The following UST variants were observed in gnomAD, a reference collection of about 807,000 sequenced individuals.
The protein encoded by UST is uronyl 2-sulfotransferase, also known as chondroitin sulfate 2-O-sulfotransferase.
UST carries 21 observed loss-of-function variants against 45.6 expected under a neutral mutation model. The ratio of observed to expected loss-of-function variants is 0.46; its 90% CI spans 0.33 to 0.66. The LOEUF (loss-of-function observed/expected upper bound fraction) is 0.66, where lower values mean the gene tolerates loss of function less well. Ranked by LOEUF, UST falls within the 30% of genes least tolerant of loss-of-function variation. The probability of loss-of-function intolerance (pLI) is 0.02; values close to 1 mark genes in which losing one functional copy is unlikely to be tolerated. For missense variants in UST, 463 were observed against 512.4 expected (o/e 0.90, Z 0.93); for synonymous variants, 215 against 200.6 (o/e 1.07, Z -0.61).
chr6:148,983,097 C>T (rs1266366367), intron 5 of UST, among the ~76,000 whole-genome samples: 1 of 152,204 alleles, frequency 6.6e-6, no homozygotes, highest in Non-Finnish European at 1.5e-5. Context: ...AATAATTTTA[C>T]ATTACGGCAT....
chr6:149,053,994 G>T (rs553928617), intron 7 of UST, among the ~76,000 whole-genome samples: 2 of 152,242 alleles, frequency 1.3e-5, no homozygotes, highest in African/African-American at 4.8e-5. Flanking sequence ...GCCACCATCT[G>T]TCACCCCTGT....
intron 1 of UST, among the ~76,000 whole-genome samples, chr6:148,750,703 G>T (rs1038611494): frequency 6.6e-6 from 1 of 152,138 alleles, no homozygotes; most frequent in Non-Finnish European, 1.5e-5. Flanking sequence ...CTTGATACTT[G>T]TACTCTGAGT....
chr6:149,006,982 A>G (rs1175344291), intron 5 of UST, among the ~76,000 whole-genome samples: 1 of 152,220 alleles, frequency 6.6e-6, no homozygotes, highest in African/African-American at 2.4e-5. Flanking sequence ...AGGAACTTCA[A>G]GTTCCAGTAG....
intron 1 of UST, among the ~76,000 whole-genome samples, chr6:148,865,282 T>C (rs1028140644): frequency 6.6e-6 from 1 of 152,206 alleles, no homozygotes; most frequent in Non-Finnish European, 1.5e-5. Context: ...CAAAATGGTC[T>C]CTGGAGTGGA....
In UST at chr6:148,908,806, G is replaced by C. The variant is rs184073710; in HGVS notation, c.291+21777G>C. Among the ~76,000 whole-genome samples the C allele has an allele frequency of 9.9e-5, 15 of 152,212 alleles. No individual in the cohort carries two copies. In the East Asian group the frequency reaches 2.9e-3, roughly 29 times the overall value. On this transcript the variant is annotated intron_variant, in intron 2 of 7. Coordinates refer to ENST00000367463, the MANE Select transcript of UST (RefSeq NM_005715.3). ...ACAAATGATCTTGTAATCAGGATTAGTTCAAAAAGAACAAAATATTTTTAC... is the reference window on the plus strand; with the variant it reads ...ACAAATGATCTTGTAATCAGGATTACTTCAAAAAGAACAAAATATTTTTAC...
chr6:148,748,428 TG>T lies in UST; in HGVS notation c.247+752del, dbSNP rs1775921943. Among the ~76,000 whole-genome samples the T allele has an allele frequency of 6.6e-6, 1 of 150,530 alleles. No individual in the cohort carries two copies. Among genetic ancestry groups the T allele is most frequent in the African/African-American group, 2.4e-5 (1 of 41,070 alleles). ...GTGTGTGTGTGTGTGTGTGTGTGTG[TG>T]TGTGTGTGTGTGTGTGTGTGTGTGG... On this transcript the variant is annotated intron_variant, in intron 1 of 7. Coordinates refer to ENST00000367463, the MANE Select transcript of UST (RefSeq NM_005715.3). The surrounding 1 kb of genome is among the most constrained non-coding windows in gnomAD (Gnocchi z 5.3).
chr6:148,977,677 G>A (rs2500516), intron 5 of UST, among the ~76,000 whole-genome samples: 60,259 of 149,998 alleles, frequency 0.4, 12,295 homozygotes, highest in Admixed American at 0.49. Context: ...GTGTGAACTC[G>A]GGAGGTGGAG....
chr6:149,032,221 C>A (rs1257489325), intron 7 of UST, among the ~76,000 whole-genome samples: 2 of 152,170 alleles, frequency 1.3e-5, no homozygotes, highest in Non-Finnish European at 2.9e-5. Flanking sequence ...ACCCTCCCCC[C>A]GTTTCCCTGC....
chr6:149,071,402 G>C (rs1414525895), intron 7 of UST, among the ~76,000 whole-genome samples: 1 of 152,110 alleles, frequency 6.6e-6, no homozygotes, highest in Non-Finnish European at 1.5e-5. Flanking sequence ...AAAAATTTTA[G>C]TCAAAAGCAA....
At chr6:148,878,278 AC>A (rs1778743430) in intron 1 of UST, among the ~76,000 whole-genome samples, 3 of 25,400 alleles carry the variant, frequency 1.2e-4, no homozygotes, top group African/African-American at 1.8e-4. Flanking sequence ...GTGTATGAGT[AC>A]GGGGGATCAT....
At chr6:148,783,661 C>G (rs959966808) in intron 1 of UST, among the ~76,000 whole-genome samples, 1 of 152,094 alleles carries the variant, frequency 6.6e-6, no homozygotes, top group African/African-American at 2.4e-5. Context: ...TTGGAAGAGG[C>G]CTTAGAGATG....
chr6:148,879,184 A>G (rs1201356597), intron 1 of UST, among the ~76,000 whole-genome samples: 1 of 152,148 alleles, frequency 6.6e-6, no homozygotes, highest in East Asian at 1.9e-4. Flanking sequence ...CTGGCCCTTT[A>G]CAATTTCCTT....
chr6:148,989,777 C>T (rs1358722643), intron 5 of UST, among the ~76,000 whole-genome samples: 1 of 152,250 alleles, frequency 6.6e-6, no homozygotes, highest in East Asian at 1.9e-4. Context: ...TCACCTAACA[C>T]TGTCTCATCT....
At chr6:148,776,233 G>T (rs1464262334) in intron 1 of UST, among the ~76,000 whole-genome samples, 3 of 152,224 alleles carry the variant, frequency 2.0e-5, no homozygotes, top group African/African-American at 7.2e-5. Context: ...CAGACCTCCA[G>T]TCCTGGTTTC....
intron 5 of UST, among the ~76,000 whole-genome samples, chr6:149,001,015 A>G (rs919198694): frequency 6.6e-6 from 1 of 152,048 alleles, no homozygotes. Context: ...GAAAAATGTT[A>G]GGGAAGAAAT....
At chr6:149,072,026 A>G (rs547863584) in intron 7 of UST, among the ~76,000 whole-genome samples, 1 of 152,108 alleles carries the variant, frequency 6.6e-6, no homozygotes, top group East Asian at 1.9e-4. Context: ...GATGGCTACA[A>G]TTTTAAAAAG....
At chr6:149,008,000 C>T (rs112063039) in intron 5 of UST, among the ~76,000 whole-genome samples, 13 of 152,052 alleles carry the variant, frequency 8.5e-5, no homozygotes, top group African/African-American at 2.2e-4. Flanking sequence ...TGCTGCAGTA[C>T]GGTTAGGGTA....
intron 1 of UST, among the ~76,000 whole-genome samples, chr6:148,848,347 A>T (rs1778036943): frequency 6.6e-6 from 1 of 152,184 alleles, no homozygotes; most frequent in Non-Finnish European, 1.5e-5. Flanking sequence ...GCAAACTTGA[A>T]CTAAGCACAA....
At chr6:148,941,666 CT>C (rs1356604972) in intron 3 of UST, among the ~76,000 whole-genome samples, 2 of 152,194 alleles carry the variant, frequency 1.3e-5, no homozygotes, top group African/African-American at 4.8e-5. Flanking sequence ...TGATGAAGGA[CT>C]GTATGTACTT....
Sources: allele counts gnomAD v4.1 joint callset (sites outside exome capture counted in the v4.1 genomes callset), GRCh38; gene constraint gnomAD v4.1.1; non-coding constraint Gnocchi (gnomAD v3.1); transcripts MANE v1.5; gene names NCBI Gene and HGNC (gene_info 2026-07-23, HGNC 2026-07-21).